Variants in ZNF680 observed in about 807,000 individuals in gnomAD.
The protein encoded by ZNF680 is zinc finger protein 680.
Under a neutral mutation model 12.1 loss-of-function variants are expected in ZNF680, and 6 were observed. The observed-to-expected ratio is 0.49, with a 90% CI of 0.27 to 0.98. The LOEUF (loss-of-function observed/expected upper bound fraction) is 0.98, where lower values mean the gene tolerates loss of function less well. Ranked by LOEUF, ZNF680 falls within the 50% of genes least tolerant of loss-of-function variation. The probability of loss-of-function intolerance (pLI) is 0.12; values close to 1 mark genes in which losing one functional copy is unlikely to be tolerated. For synonymous variants in ZNF680, 170 were observed against 199.3 expected, an observed-to-expected ratio of 0.85 and a Z score of 1.24; for missense variants, 561 against 616.3, an observed-to-expected ratio of 0.91 and a Z score of 0.95.
intron 3 of ZNF680, among the ~76,000 whole-genome samples, chr7:64,539,646 G>C (rs76882109): frequency 9.2e-5 from 14 of 152,176 alleles, no homozygotes; most frequent in African/African-American, 3.4e-4. Flanking sequence ...CACTTAACAT[G>C]CTCGAAATGT....
chr7:64,551,010 T>C (rs960024704), intron 1 of ZNF680, among the ~76,000 whole-genome samples: 6 of 152,170 alleles, frequency 3.9e-5, no homozygotes, highest in Non-Finnish European at 8.8e-5. Flanking sequence ...GAATTTGACA[T>C]GCATCAAGGT....
chr7:64,513,851 G>A, the ZNF680 span, among the ~76,000 whole-genome samples: 6 of 151,896 alleles, frequency 4.0e-5, no homozygotes, highest in African/African-American at 1.2e-4. Flanking sequence ...TCACCATGTT[G>A]GCTAGGATGG....
intron 1 of ZNF680, among the ~76,000 whole-genome samples, chr7:64,548,775 G>A (rs1216959484): frequency 1.3e-5 from 2 of 151,970 alleles, no homozygotes; most frequent in Non-Finnish European, 2.9e-5. Flanking sequence ...AATGACCCTG[G>A]GCTGATGACC....
chr7:64,508,646 G>A, the ZNF680 span, among the ~76,000 whole-genome samples: 1 of 151,984 alleles, frequency 6.6e-6, no homozygotes, highest in African/African-American at 2.4e-5. Flanking sequence ...CTTTTCACAG[G>A]GGACCTAAGC....
chr7:64,526,155 G>A, intron 3 of ZNF680: 1 of 911,256 alleles, frequency 1.1e-6, no homozygotes, highest in Admixed American at 5.9e-5. Context: ...ACACCATCAA[G>A]TACATCAATA....
chr7:64,550,605 T>G (rs764224724), intron 1 of ZNF680, among the ~76,000 whole-genome samples: 3 of 152,328 alleles, frequency 2.0e-5, no homozygotes, highest in Non-Finnish European at 4.4e-5. Flanking sequence ...TCTAAGTTTG[T>G]GAGCCTCATG....
intron 3 of ZNF680, chr7:64,525,632 A>G (rs1428580915): frequency 2.3e-6 from 1 of 425,644 alleles, no homozygotes; most frequent in South Asian, 1.0e-4. Flanking sequence ...ATGTCAATAT[A>G]ATAGGACTAA....
At chr7:64,556,259 TAAAA>T (rs58056053) in intron 1 of ZNF680, among the ~76,000 whole-genome samples, 2 of 88,490 alleles carry the variant, frequency 2.3e-5, no homozygotes, top group Admixed American at 1.2e-4. Context: ...TTCACGGAAC[TAAAA>T]AAAAAAAAAA....
At chr7:64,518,333 GA>G (rs1238476658), downstream of ZNF680, among the ~76,000 whole-genome samples, 4 of 150,930 alleles carry the variant, frequency 2.7e-5, no homozygotes, top group African/African-American at 9.7e-5. Flanking sequence ...ACAATAGCTG[GA>G]AAAAAAATAC....
intron 1 of ZNF680, among the ~76,000 whole-genome samples, chr7:64,561,883 C>G (rs1338871841): frequency 6.9e-6 from 1 of 145,522 alleles, no homozygotes; most frequent in East Asian, 2.0e-4. Flanking sequence ...TGCAGTGAGC[C>G]GAGATCGCGC....
At chr7:64,556,083 A>C (rs1035580966) in intron 1 of ZNF680, among the ~76,000 whole-genome samples, 1 of 151,920 alleles carries the variant, frequency 6.6e-6, no homozygotes, top group Non-Finnish European at 1.5e-5. Context: ...AAAATCTCTA[A>C]AACAAAAATT....
At chr7:64,518,694 T>C (rs554749978), downstream of ZNF680, among the ~76,000 whole-genome samples, 1 of 151,892 alleles carries the variant, frequency 6.6e-6, no homozygotes, top group Non-Finnish European at 1.5e-5. Flanking sequence ...AACCAAATAC[T>C]TACAGCCAAC....
chr7:64,537,807 G>A (rs1315519454), intron 3 of ZNF680, among the ~76,000 whole-genome samples: 3 of 152,100 alleles, frequency 2.0e-5, no homozygotes, highest in Admixed American at 6.6e-5. Flanking sequence ...GCGGGCGCCT[G>A]TAGTCCCAGC....
intron 3 of ZNF680, among the ~76,000 whole-genome samples, chr7:64,523,636 G>A (rs554801477): frequency 1.8e-4 from 27 of 152,104 alleles, no homozygotes; most frequent in African/African-American, 6.3e-4. Context: ...TTTTAAGGCC[G>A]GGCGTGGTGG....
At chr7:64,502,149 G>A in the ZNF680 span, among the ~76,000 whole-genome samples, 13 of 151,540 alleles carry the variant, frequency 8.6e-5, no homozygotes, top group African/African-American at 2.4e-5. Flanking sequence ...GATTGCAGGC[G>A]CGTGCTACCA....
chr7:64,536,174 G>C (rs1246418793), intron 3 of ZNF680, among the ~76,000 whole-genome samples: 1 of 152,048 alleles, frequency 6.6e-6, no homozygotes, highest in Non-Finnish European at 1.5e-5. Context: ...TAGATATCAA[G>C]ACCCCATTTT....
chr7:64,520,994 T>G lies in ZNF680; in HGVS notation c.*167A>C. On this transcript the variant is annotated 3_prime_UTR_variant, in exon 4 of 4. Transcript: ENST00000309683. ...AAAAATGCTTTCCTGTGCAATAAGA[T>G]GTGAGTATTGGTTAAGTTTTGTCAC... 1 of 682,416 alleles carries G rather than the reference T, an allele frequency of 1.5e-6. No individual in the cohort carries two copies. The allele number at this position is 682,416 out of a possible 1,614,324, so 42.3% of individuals were successfully genotyped here.
chr7:64,513,903 C>T, the ZNF680 span, among the ~76,000 whole-genome samples: 1 of 152,130 alleles, frequency 6.6e-6, no homozygotes, highest in African/African-American at 2.4e-5. Context: ...CTAGGCCTCC[C>T]AAAGTGCTGG....
Position 64,521,976 on chromosome 7 carries a change from G to A in ZNF680, c.778C>T (p.His260Tyr). The change falls in exon 4 of 4, where the codon CAT (histidine) becomes TAT (tyrosine). Residue 260 changes from histidine (H) to tyrosine (Y), a missense_variant. Coordinates refer to ENST00000309683, the MANE Select transcript of ZNF680 (RefSeq NM_178558.5). ...CATTTGAAGGGTTTCTCTTCAATAT[G>A]AATTTTCTTATGTTTAATAAGGGTT... ...SSTLIKHKKI[H>Y]IEEKPFKCEE... 6.2e-7 allele frequency: 1 copy of A among 1,612,346 alleles called. No individual in the cohort carries two copies. The highest frequency in any genetic ancestry group is 8.5e-7 in the Non-Finnish European group (1 of 1,179,362).
Sources: gnomAD v4.1 joint callset for allele counts (sites outside exome capture counted in the v4.1 genomes callset) on GRCh38, gnomAD v4.1.1 for gene constraint, MANE v1.5 for transcripts, NCBI Gene and HGNC (gene_info 2026-07-23, HGNC 2026-07-21) for gene names.